The following SUN5 variants were observed in gnomAD, a reference collection of about 807,000 sequenced individuals.
The protein encoded by SUN5 is Sad1 and UNC84 domain containing 5, also known as SUN domain-containing protein 5.
A neutral mutation model predicts 53.7 loss-of-function variants in SUN5; 44 were observed. The observed-to-expected ratio is 0.82, with a 90% CI of 0.64 to 1.05. The LOEUF (loss-of-function observed/expected upper bound fraction) is 1.05. Among genes scored for constraint, SUN5 ranks in the 50% least tolerant of loss-of-function variants. The pLI is 0.00. For synonymous variants in SUN5, 166 were observed against 179.8 expected, an observed-to-expected ratio of 0.92 and a Z score of 0.62; for missense variants, 433 against 483.8, an observed-to-expected ratio of 0.90 and a Z score of 0.98.
chr20:32,993,025 A>G (rs1467060242), intron 8 of SUN5, among the ~76,000 whole-genome samples: 1 of 152,230 alleles, frequency 6.6e-6, no homozygotes, highest in Admixed American at 6.5e-5. Context: ...TGATCCAGCA[A>G]TTCCACTCCT....
At position 33,004,341 on chromosome 20, in the gene SUN5, C is replaced by G. The variant is rs751814566; in HGVS notation, c.-1G>C. The G allele has an allele frequency of 1.7e-5, 27 of 1,558,084 alleles. No homozygotes were observed. Among genetic ancestry groups the G allele is most frequent in the Non-Finnish European group, 2.3e-5 (27 of 1,150,986 alleles). ...CAGGGCTCCTTGAGGACCGTGGCATCGATTTCCTTCTTTAGGATTGGGGAT... is the reference window on the plus strand; with the variant it reads ...CAGGGCTCCTTGAGGACCGTGGCATGGATTTCCTTCTTTAGGATTGGGGAT... On this transcript the variant is annotated 5_prime_UTR_variant, in exon 1 of 13. Transcript: ENST00000356173.
intron 8 of SUN5, among the ~76,000 whole-genome samples, chr20:32,993,324 A>T (rs1405283702): frequency 6.6e-6 from 1 of 152,202 alleles, no homozygotes; most frequent in East Asian, 1.9e-4. Flanking sequence ...GCAGAAAACC[A>T]TTCTGAGATG....
At chr20:32,997,499 G>C in intron 6 of SUN5, 139 bp downstream of exon 6, 1 of 798,438 alleles carries the variant, frequency 1.3e-6, no homozygotes, top group Non-Finnish European at 2.0e-6. Context: ...GTACGATGAA[G>C]GGTGAGATTT....
chr20:32,990,467 G>C (rs1183697727), intron 8 of SUN5, among the ~76,000 whole-genome samples: 2 of 152,224 alleles, frequency 1.3e-5, no homozygotes, highest in African/African-American at 4.8e-5. Context: ...CTCCCACTGA[G>C]AGTTGGGGTC....
At chr20:32,991,704 T>C (rs1232596674) in intron 8 of SUN5, among the ~76,000 whole-genome samples, 1 of 152,196 alleles carries the variant, frequency 6.6e-6, no homozygotes, top group Non-Finnish European at 1.5e-5. Flanking sequence ...CCTAGGACTT[T>C]GGGACAATAA....
rs182727147 is a variant in SUN5, at chr20:32,995,773, G to A, written c.426-46C>T. The stretch of plus-strand genomic sequence containing the variant: ...ACAAGAACAGGTTGATTTGTGATGC[G>A]TTGTTGTTACCCTCAGATTTTCCCT... On this transcript the variant is annotated intron_variant, in intron 7 of 12. Coordinates refer to ENST00000356173, the MANE Select transcript of SUN5 (RefSeq NM_080675.4). 3.9e-4 allele frequency: 608 copies of A among 1,546,630 alleles called. 3 individuals are homozygous for A. The African/African-American group carries it at 7.5e-3, about 19-fold the overall frequency.
chr20:33,002,768 C>T (rs1990086375), intron 2 of SUN5, 93 bp downstream of exon 2: 1 of 1,599,508 alleles, frequency 6.3e-7, no homozygotes, highest in Non-Finnish European at 8.6e-7. Flanking sequence ...GCCCCTGCCC[C>T]TTGCTGGGTA....
intron 3 of SUN5, among the ~76,000 whole-genome samples, chr20:33,001,654 C>CCTCT (rs1990043745): frequency 8.6e-6 from 1 of 116,540 alleles, no homozygotes; most frequent in Non-Finnish European, 1.8e-5. Context: ...TCCCTCCCTC[C>CCTCT]CTCCCTCCCT....
rs372936971 is a variant in SUN5, at chr20:33,001,288, A to G, written c.212-10T>C. On this transcript the variant is annotated splice_polypyrimidine_tract_variant and intron_variant, in intron 3 of 12. Transcript: ENST00000356173. ...AAACAGGTGAACCAGGCTGCACGGG[A>G]GACAGAAAAGCAGTGACTCACTACG... 1.8e-4 allele frequency: 280 copies of G among 1,568,184 alleles called. No homozygotes were observed. The highest frequency in any genetic ancestry group is 2.2e-4 in the Non-Finnish European group (252 of 1,154,514).
chr20:32,997,657 G>A lies in SUN5; in HGVS notation c.371C>T (p.Ser124Leu), dbSNP rs949611993. The change falls in exon 6 of 13, where the codon TCG becomes TTG. Residue 124 changes from serine (S) to leucine (L), a missense_variant. Transcript: ENST00000356173. ...ACTCACCTGCCAGACTTTCATTTTC[G>A]ATGGTAAGTGAATAGAAAACATCCA... ...GFWMFSIHLP[S>L]KMKVWQDDSI... 1.1e-5 allele frequency: 17 copies of A among 1,613,872 alleles called. No individual in the cohort carries two copies. The highest frequency in any genetic ancestry group is 1.6e-4 in the Middle Eastern group (1 of 6,084).
intron 10 of SUN5, among the ~76,000 whole-genome samples, chr20:32,986,805 G>A (rs541989406): frequency 5.9e-5 from 9 of 152,268 alleles, no homozygotes; most frequent in South Asian, 2.1e-4. Flanking sequence ...TGCCCGCCGC[G>A]TCCCCCGCCC....
At chr20:32,997,374 AAGG>A (rs1339570641) in intron 6 of SUN5, among the ~76,000 whole-genome samples, 1 of 152,194 alleles carries the variant, frequency 6.6e-6, no homozygotes, top group Non-Finnish European at 1.5e-5. Context: ...GGCCTTGAGA[AAGG>A]AGAGATGGGT....
intron 8 of SUN5, among the ~76,000 whole-genome samples, chr20:32,994,636 C>T (rs1989793082): frequency 6.6e-6 from 1 of 152,174 alleles, no homozygotes; most frequent in African/African-American, 2.4e-5. Context: ...CAGTGGCTCA[C>T]GTCTGTAATC....
At chr20:33,001,605 CCTTT>C (rs1184217694) in intron 3 of SUN5, among the ~76,000 whole-genome samples, 90 of 132,206 alleles carry the variant, frequency 6.8e-4, no homozygotes, top group African/African-American at 1.4e-3. Flanking sequence ...TTCTTTCTCT[CCTTT>C]CTTTCTTTCT....
In SUN5 at chr20:33,000,059, G is replaced by A; in HGVS notation, c.340+15C>T. On this transcript the variant is annotated intron_variant, in intron 5 of 12. Coordinates refer to ENST00000356173, the MANE Select transcript of SUN5 (RefSeq NM_080675.4). ...GATACCTCCACCTGGGACTGGGCAG[G>A]GCCCTGGGACACACCGAAAGCACAG... 6.2e-7 allele frequency: 1 copy of A among 1,607,034 alleles called. No homozygotes were observed. The highest frequency in any genetic ancestry group is 1.3e-5 in the African/African-American group (1 of 74,996).
chr20:32,985,526 G>T (rs1328283361), intron 11 of SUN5, among the ~76,000 whole-genome samples: 1 of 151,984 alleles, frequency 6.6e-6, no homozygotes, highest in African/African-American at 2.4e-5. Flanking sequence ...GCTCTGAAAA[G>T]CTTGGTTTAA....
intron 1 of SUN5, 136 bp from the exon 2 acceptor site, chr20:33,003,055 G>C: frequency 2.0e-6 from 2 of 997,228 alleles, no homozygotes; most frequent in South Asian, 3.2e-5. Context: ...TGTGATTCAG[G>C]GACAGACCCA....
Position 32,987,650 on chromosome 20 carries a change from T to A in SUN5, c.729+10A>T. The A allele has an allele frequency of 6.7e-7, 1 of 1,487,224 alleles. No individual in the cohort carries two copies. Among genetic ancestry groups the A allele is most frequent in the South Asian group, 1.2e-5 (1 of 86,010 alleles). 92.1% of individuals were successfully genotyped at this position (1,487,224 alleles called of 1,614,324 possible). ...CCTGCCGCTGTCCCATCTCCCGCCA[T>A]CCCCCCTGCCTCAAGGATCACGTCT... On this transcript the variant is annotated intron_variant, in intron 10 of 12. Transcript: ENST00000356173.
chr20:32,986,217 A>T (rs552928120), intron 10 of SUN5, among the ~76,000 whole-genome samples: 2 of 152,176 alleles, frequency 1.3e-5, no homozygotes, highest in African/African-American at 4.8e-5. Flanking sequence ...CCCTCCCATT[A>T]TTCTTTACAT....
Sources: gnomAD v4.1 joint callset for allele counts (sites outside exome capture counted in the v4.1 genomes callset) on GRCh38, gnomAD v4.1.1 for gene constraint, MANE v1.5 for transcripts, NCBI Gene and HGNC (gene_info 2026-07-23, HGNC 2026-07-21) for gene names.